TPD52L1: variants seen among roughly 807,000 people sequenced by gnomAD.
TPD52L1 encodes TPD52 like 1.
In TPD52L1, 18 loss-of-function variants were observed where a neutral mutation model predicts 28.7. The observed-to-expected ratio is 0.63, with a 90% CI of 0.43 to 0.93. The LOEUF (loss-of-function observed/expected upper bound fraction) is 0.93, where lower values mean the gene tolerates loss of function less well. TPD52L1 is among the 40% of genes least tolerant of loss of function. The pLI is 0.00. For missense variants in TPD52L1, 203 were observed against 254.8 expected, an observed-to-expected ratio of 0.80 and a Z score of 1.39; for synonymous variants, 75 against 88.8, an observed-to-expected ratio of 0.84 and a Z score of 0.88.
intron 1 of TPD52L1, among the ~76,000 whole-genome samples, chr6:125,166,309 C>G (rs552807877): frequency 3.3e-5 from 5 of 152,144 alleles, no homozygotes; most frequent in Non-Finnish European, 5.9e-5. Flanking sequence ...TATTTTCCAA[C>G]ATTTTGTTTT....
At chr6:125,199,427 G>A (rs1015771741) in intron 1 of TPD52L1, among the ~76,000 whole-genome samples, 2 of 152,228 alleles carry the variant, frequency 1.3e-5, no homozygotes, top group Admixed American at 6.5e-5. Flanking sequence ...GCTCACGCCT[G>A]TAATCCCAAC....
intron 3 of TPD52L1, among the ~76,000 whole-genome samples, chr6:125,237,739 G>A (rs897984367): frequency 2.7e-5 from 4 of 150,722 alleles, no homozygotes; most frequent in Non-Finnish European, 5.9e-5. Flanking sequence ...TGCCTCCTGG[G>A]TTCAAGCAAT....
At chr6:125,221,902 C>T (rs948740913) in intron 2 of TPD52L1, 9 of 152,162 alleles carry the variant, frequency 5.9e-5, no homozygotes, top group Non-Finnish European at 8.8e-5. Context: ...CTGGGTTCTT[C>T]GGAGATGAAG....
At chr6:125,187,646 TA>T (rs1355575063) in intron 1 of TPD52L1, among the ~76,000 whole-genome samples, 2 of 152,218 alleles carry the variant, frequency 1.3e-5, no homozygotes, top group Non-Finnish European at 2.9e-5. Flanking sequence ...TGGTGAAGAT[TA>T]ACAAGATGGA....
At chr6:125,174,610 G>T (rs1021450849) in intron 1 of TPD52L1, among the ~76,000 whole-genome samples, 2 of 152,216 alleles carry the variant, frequency 1.3e-5, no homozygotes, top group African/African-American at 2.4e-5. Context: ...AAAGCTTAAA[G>T]ATTTGCATAG....
At chr6:125,216,564 T>C (rs992913162) in intron 1 of TPD52L1, among the ~76,000 whole-genome samples, 1 of 141,582 alleles carries the variant, frequency 7.1e-6, no homozygotes, top group African/African-American at 2.6e-5. Context: ...TATATATATA[T>C]ATATATATGA....
chr6:125,160,325 T>C (rs1164970519), intron 1 of TPD52L1, among the ~76,000 whole-genome samples: 2 of 152,208 alleles, frequency 1.3e-5, no homozygotes, highest in African/African-American at 4.8e-5. Context: ...GCACATTTTC[T>C]AAATCTATAG....
Position 125,263,255 on chromosome 6 carries a change from T to G in TPD52L1, c.*293T>G. 1 of 341,754 alleles carries G rather than the reference T, an allele frequency of 2.9e-6. No homozygotes were observed. Among genetic ancestry groups the G allele is most frequent in the South Asian group, 4.5e-5 (1 of 22,450 alleles). The allele number at this position is 341,754 out of a possible 1,614,324, so 21.2% of individuals were successfully genotyped here. On this transcript the variant is annotated 3_prime_UTR_variant, in exon 7 of 7. Transcript: ENST00000534000. ...CCTGTCTGTGTAATTCGATGTATAT[T>G]TTTCCAAACATGTAGCTATTGTTTG...
intron 1 of TPD52L1, among the ~76,000 whole-genome samples, chr6:125,201,996 T>C (rs1002911546): frequency 6.6e-6 from 1 of 152,218 alleles, no homozygotes; most frequent in Non-Finnish European, 1.5e-5. Context: ...TTGCTTAAAG[T>C]AAAGGGAAGA....
chr6:125,199,435 A>G (rs1345406264), intron 1 of TPD52L1, among the ~76,000 whole-genome samples: 1 of 152,236 alleles, frequency 6.6e-6, no homozygotes, highest in East Asian at 1.9e-4. Flanking sequence ...CTGTAATCCC[A>G]ACACTTTGGG....
Position 125,205,490 on chromosome 6 carries a change from G to A in TPD52L1, c.20-14588G>A, listed in dbSNP as rs569453821. Among the ~76,000 whole-genome samples, 21 of 152,266 alleles carry A rather than the reference G, an allele frequency of 1.4e-4. 1 individual carries two copies. The highest frequency in any genetic ancestry group is 1.4e-3 in the Admixed American group (21 of 15,300). On this transcript the variant is annotated intron_variant, in intron 1 of 6. Transcript: ENST00000534000. ...AGGCACAAGCTAGGGATGGGACCAG[G>A]GAGGCCTTGGGTAAAAGCAGCCAGT...
intron 3 of TPD52L1, among the ~76,000 whole-genome samples, chr6:125,247,025 T>G (rs1446111430): frequency 2.0e-5 from 3 of 152,102 alleles, no homozygotes; most frequent in African/African-American, 7.2e-5. Context: ...TTAATAAAGT[T>G]ATTTCTGTCC....
chr6:125,160,763 A>G (rs1425184800), intron 1 of TPD52L1, among the ~76,000 whole-genome samples: 1 of 151,684 alleles, frequency 6.6e-6, no homozygotes, highest in Non-Finnish European at 1.5e-5. Context: ...TTCATCAACT[A>G]TCTTAGCCAG....
At chr6:125,178,656 A>ATATAT (rs1383661753) in intron 1 of TPD52L1, among the ~76,000 whole-genome samples, 138 of 149,632 alleles carry the variant, frequency 9.2e-4, no homozygotes, top group African/African-American at 3.2e-3. Flanking sequence ...AAAACAAAAC[A>ATATAT]AAATATATAT....
At chr6:125,160,846 A>G (rs74373973) in intron 1 of TPD52L1, among the ~76,000 whole-genome samples, 1,504 of 144,976 alleles carry the variant, frequency 0.01, 37 homozygotes, top group African/African-American at 0.037. Context: ...TGTTACAGAG[A>G]TGACTTTTTT....
rs761421258 is a variant in TPD52L1, at chr6:125,165,838, G to T, written c.19+11868G>T. On this transcript the variant is annotated intron_variant, in intron 1 of 6. Coordinates refer to ENST00000534000, the MANE Select transcript of TPD52L1 (RefSeq NM_003287.4). ...AGATGTAATTCTTAGAACCAGTATAGAGTTTTATCACCAGCTGCTAGGAAA... is the reference window on the plus strand; with the variant it reads ...AGATGTAATTCTTAGAACCAGTATATAGTTTTATCACCAGCTGCTAGGAAA... Among the ~76,000 whole-genome samples, 2 of 152,134 alleles carry T rather than the reference G, an allele frequency of 1.3e-5. 1 individual carries two copies. The highest frequency in any genetic ancestry group is 2.9e-5 in the Non-Finnish European group (2 of 68,028).
chr6:125,193,381 G>A (rs934818575), intron 1 of TPD52L1, among the ~76,000 whole-genome samples: 7 of 152,156 alleles, frequency 4.6e-5, no homozygotes, highest in South Asian at 4.2e-4. Context: ...AGGTGTGTCC[G>A]TTGCTGTCAC....
chr6:125,216,110 A>G (rs1257125277), intron 1 of TPD52L1, among the ~76,000 whole-genome samples: 3 of 152,102 alleles, frequency 2.0e-5, no homozygotes, highest in African/African-American at 7.2e-5. Context: ...CCTGGTTTAG[A>G]TCGTTATCCT....
At chr6:125,169,028 T>C (rs576094) in intron 1 of TPD52L1, among the ~76,000 whole-genome samples, 83,424 of 151,834 alleles carry the variant, frequency 0.55, 25,832 homozygotes, top group African/African-American at 0.85. Flanking sequence ...TCTCTACCCC[T>C]GCTTTCCACC....
Sources: allele counts gnomAD v4.1 joint callset (sites outside exome capture counted in the v4.1 genomes callset), GRCh38; gene constraint gnomAD v4.1.1; transcripts MANE v1.5; gene names NCBI Gene and HGNC (gene_info 2026-07-23, HGNC 2026-07-21).